WIPF2: variants seen among roughly 807,000 people sequenced by gnomAD.
The protein encoded by WIPF2 is WAS/WASL interacting protein family member 2.
A neutral mutation model predicts 38.8 loss-of-function variants in WIPF2; 23 were observed. The ratio of observed to expected loss-of-function variants is 0.59; its 90% CI spans 0.43 to 0.84. The LOEUF is 0.84. WIPF2 is among the 40% of genes least tolerant of loss of function. WIPF2 has a pLI of 0.00. For synonymous variants in WIPF2, 210 were observed against 223.2 expected (o/e 0.94, Z 0.53); for missense variants, 574 against 580.5 (o/e 0.99, Z 0.11).
At position 40,236,652 on chromosome 17, in the gene WIPF2, A is replaced by G. The variant is rs1481311000; in HGVS notation, c.-70+17160A>G. ...AAGACGGAGTCTCACTCTGTCGCCC[A>G]GGCAGGAGTGCACTGGTGCGATCTC... is the stretch of plus-strand genomic sequence containing the variant. On this transcript the variant is annotated intron_variant, in intron 1 of 7. Transcript: ENST00000323571. Among the ~76,000 whole-genome samples, 7 of 143,044 alleles carry G rather than the reference A, an allele frequency of 4.9e-5. No homozygotes were observed. In the Admixed American group the frequency reaches 5.1e-4, roughly 10 times the overall value. 93.8% of individuals were successfully genotyped at this position (143,044 alleles called of 152,430 possible).
At chr17:40,221,579 CTTTT>C (rs1490301650) in intron 1 of WIPF2, among the ~76,000 whole-genome samples, 1 of 151,586 alleles carries the variant, frequency 6.6e-6, no homozygotes, top group African/African-American at 2.4e-5. Flanking sequence ...CTCTCTGTCT[CTTTT>C]TTTGTTTGTT....
intron 2 of WIPF2, among the ~76,000 whole-genome samples, chr17:40,256,846 C>A (rs1309377426): frequency 6.6e-6 from 1 of 152,158 alleles, no homozygotes; most frequent in Non-Finnish European, 1.5e-5. Flanking sequence ...TGTCTGGTTT[C>A]CTTGTCCTGG....
intron 1 of WIPF2, among the ~76,000 whole-genome samples, chr17:40,233,964 G>T (rs2030852098): frequency 3.9e-5 from 6 of 152,050 alleles, no homozygotes; most frequent in Admixed American, 3.9e-4. Context: ...TCGGGAGGAT[G>T]AGGCAGGAGA....
chr17:40,266,854 T>C (rs935667350), intron 5 of WIPF2, among the ~76,000 whole-genome samples: 11 of 152,080 alleles, frequency 7.2e-5, no homozygotes, highest in African/African-American at 2.7e-4. Flanking sequence ...TGGCCTTAGA[T>C]AGGAACATAG....
intron 5 of WIPF2, among the ~76,000 whole-genome samples, chr17:40,266,699 G>T (rs2032098858): frequency 6.6e-6 from 1 of 152,148 alleles, no homozygotes; most frequent in African/African-American, 2.4e-5. Flanking sequence ...CAAGATGGGA[G>T]ACCTATTTGT....
chr17:40,280,017 A>G lies in WIPF2; in HGVS notation c.*1792A>G, dbSNP rs1221879514. On this transcript the variant is annotated 3_prime_UTR_variant, in exon 8 of 8. Transcript: ENST00000323571. ...GGAGGGCTCAACGGGGGTAATGTGT[A>G]TGGGGTCTGCTGTCCTTTGCCATCC... 1 of 152,210 alleles carries G rather than the reference A, an allele frequency of 6.6e-6. No individual in the cohort carries two copies. The highest frequency in any genetic ancestry group is 6.6e-5 in the Admixed American group (1 of 15,254). The allele number at this position is 152,210 out of a possible 1,614,324, so 9.4% of individuals were successfully genotyped here.
Position 40,284,032 on chromosome 17 carries a change from A to C in WIPF2, c.*5807A>C, listed in dbSNP as rs1239052936. On this transcript the variant is annotated 3_prime_UTR_variant, in exon 8 of 8. Coordinates refer to ENST00000323571, the MANE Select transcript of WIPF2 (RefSeq NM_133264.5). ...GGGAGGGAGGGGAAGAAAAAAAAGG[A>C]CTCCTTTCATTTTCATCCGTACTTC... The C allele has an allele frequency of 6.6e-6, 1 of 151,628 alleles. No individual in the cohort carries two copies. Among genetic ancestry groups the C allele is most frequent in the Non-Finnish European group, 1.5e-5 (1 of 67,904 alleles). The allele number at this position is 151,628 out of a possible 1,614,324, so 9.4% of individuals were successfully genotyped here. A position where few individuals can be genotyped will look rare whatever the true frequency, so the allele number is the denominator to read the frequency against.
Position 40,281,040 on chromosome 17 carries a change from T to C in WIPF2, c.*2815T>C, listed in dbSNP as rs539865994. The C allele has an allele frequency of 6.5e-6, 1 of 152,756 alleles. No homozygotes were observed. Among genetic ancestry groups the C allele is most frequent in the African/African-American group, 2.4e-5 (1 of 41,574 alleles). 9.5% of individuals were successfully genotyped at this position (152,756 alleles called of 1,614,324 possible). A position where few individuals can be genotyped will look rare whatever the true frequency, so the allele number is the denominator to read the frequency against. On this transcript the variant is annotated 3_prime_UTR_variant, in exon 8 of 8. Transcript: ENST00000323571. Reference sequence around the variant, plus strand: ...TGTATGTTGTAAAAAGCTTCTAATTTAGGTTTAAGGTGGGCTGGCTACAAG... The same window carrying C: ...TGTATGTTGTAAAAAGCTTCTAATTCAGGTTTAAGGTGGGCTGGCTACAAG...
At chr17:40,235,907 A>G (rs1176484003) in intron 1 of WIPF2, among the ~76,000 whole-genome samples, 1 of 148,744 alleles carries the variant, frequency 6.7e-6, no homozygotes, top group Non-Finnish European at 1.5e-5. Flanking sequence ...GGCCTTGCAT[A>G]TCTGAATTAC....
intron 1 of WIPF2, among the ~76,000 whole-genome samples, chr17:40,230,419 A>G (rs945375550): frequency 1.3e-5 from 2 of 151,702 alleles, no homozygotes; most frequent in Non-Finnish European, 2.9e-5. Flanking sequence ...TTTTCCTGTC[A>G]GTTCTTTTAC....
chr17:40,231,670 G>T (rs1289290765), intron 1 of WIPF2, among the ~76,000 whole-genome samples: 1 of 151,926 alleles, frequency 6.6e-6, no homozygotes, highest in Non-Finnish European at 1.5e-5. Flanking sequence ...TGATCCACCC[G>T]CCTTGGCGCC....
chr17:40,273,748 G>C (rs747878417), intron 5 of WIPF2, 42 bp from the exon 6 acceptor site: 1 of 1,278,952 alleles, frequency 7.8e-7, no homozygotes, highest in Non-Finnish European at 1.1e-6. Context: ...ACCCCTTGCC[G>C]TCTCCACATC....
At chr17:40,238,246 G>A (rs1400782294) in intron 1 of WIPF2, among the ~76,000 whole-genome samples, 1 of 152,040 alleles carries the variant, frequency 6.6e-6, no homozygotes, top group Non-Finnish European at 1.5e-5. Context: ...TATCTTTCGT[G>A]TTAGAGATTT....
At chr17:40,223,776 G>A (rs942173565) in intron 1 of WIPF2, among the ~76,000 whole-genome samples, 11 of 151,778 alleles carry the variant, frequency 7.2e-5, no homozygotes, top group Non-Finnish European at 1.2e-4. Context: ...TTGTAGAGAC[G>A]AGGTTTCACT....
Position 40,264,775 on chromosome 17 carries a change from C to G in WIPF2, c.599C>G (p.Ala200Gly), listed in dbSNP as rs1246747828. Residue 200 changes from alanine (A) to glycine (G), a missense_variant, in exon 5 of 8, where the codon GCC becomes GGC. Ala to Gly is a moderately conservative substitution (Grantham distance 60). Transcript: ENST00000323571. ...CCTCTGCCTATGCACAGCAGCAAAG[C>G]CCCCGCCTACAACAGAGAGAAACCC... is the stretch of plus-strand genomic sequence containing the variant. ...PTPLPMHSSK[A>G]PAYNREKPLP... 2 of 1,605,124 alleles carry G rather than the reference C, an allele frequency of 1.2e-6. No homozygotes were observed. The highest frequency in any genetic ancestry group is 2.2e-5 in the South Asian group (2 of 89,846).
intron 5 of WIPF2, among the ~76,000 whole-genome samples, chr17:40,272,166 T>C (rs1329457771): frequency 6.6e-6 from 1 of 152,026 alleles, no homozygotes; most frequent in Non-Finnish European, 1.5e-5. Context: ...ATTACAGGCA[T>C]GCACCACCAC....
At chr17:40,252,076 C>T (rs780451983) in intron 1 of WIPF2, among the ~76,000 whole-genome samples, 9 of 152,144 alleles carry the variant, frequency 5.9e-5, no homozygotes, top group Non-Finnish European at 1.3e-4. Context: ...AGGCAAGCGC[C>T]ACTGATGAAT....
chr17:40,264,989 G>C lies in WIPF2; in HGVS notation c.813G>C (p.Glu271Asp). Residue 271 changes from glutamate to aspartate, a missense_variant, in exon 5 of 8, where the codon GAG becomes GAC. Coordinates refer to ENST00000323571, the MANE Select transcript of WIPF2 (RefSeq NM_133264.5). ...ATGGACCCTCTAGCCCCACTAATGA[G>C]TCAGCCCCTGAGCTGCCACAGAGAC... The part of the protein sequence containing the change: ...VPNGPSSPTN[E>D]SAPELPQRHN... The C allele has an allele frequency of 6.2e-7, 1 of 1,614,008 alleles. No individual in the cohort carries two copies. The highest frequency in any genetic ancestry group is 1.1e-5 in the South Asian group (1 of 91,076).
At chr17:40,231,846 A>G (rs907973419) in intron 1 of WIPF2, among the ~76,000 whole-genome samples, 2 of 152,014 alleles carry the variant, frequency 1.3e-5, no homozygotes, top group Admixed American at 6.6e-5. Flanking sequence ...TTGGTCATCA[A>G]TGACTAGGTT....
Sources: allele counts gnomAD v4.1 joint callset (sites outside exome capture counted in the v4.1 genomes callset), GRCh38; gene constraint gnomAD v4.1.1; transcripts MANE v1.5; gene names NCBI Gene and HGNC (gene_info 2026-07-23, HGNC 2026-07-21).